Variants in LMNTD1 observed in about 807,000 individuals in gnomAD.
LMNTD1 encodes the protein lamin tail domain-containing protein 1.
In LMNTD1, 35 loss-of-function variants were observed where a neutral mutation model predicts 50.9. That is an observed-to-expected ratio of 0.69 (90% confidence interval 0.53 to 0.91). The LOEUF (loss-of-function observed/expected upper bound fraction) is 0.91, where lower values mean the gene tolerates loss of function less well. Among genes scored for constraint, LMNTD1 ranks in the 40% least tolerant of loss-of-function variants. The pLI is 0.00. For synonymous variants in LMNTD1, 153 were observed against 161.9 expected, an observed-to-expected ratio of 0.94 and a Z score of 0.42; for missense variants, 470 against 475.5, an observed-to-expected ratio of 0.99 and a Z score of 0.11.
At chr12:25,534,589 G>C (rs1196847766) in intron 4 of LMNTD1, among the ~76,000 whole-genome samples, 1 of 152,198 alleles carries the variant, frequency 6.6e-6, no homozygotes, top group Admixed American at 6.5e-5. Flanking sequence ...GCGATTTTCA[G>C]ATGGTCCCCT....
chr12:25,574,784 T>C (rs181654564), intron 1 of LMNTD1, among the ~76,000 whole-genome samples: 2 of 152,246 alleles, frequency 1.3e-5, no homozygotes, highest in African/African-American at 4.8e-5. Flanking sequence ...CCTTCTCCAG[T>C]GCACAGAATA....
intron 9 of LMNTD1, among the ~76,000 whole-genome samples, chr12:25,477,069 G>T (rs1277688955): frequency 6.6e-6 from 1 of 152,068 alleles, no homozygotes; most frequent in African/African-American, 2.4e-5. Flanking sequence ...TGGGCCTCAC[G>T]GAATCCATTA....
intron 3 of LMNTD1, among the ~76,000 whole-genome samples, chr12:25,546,850 G>A (rs1176551632): frequency 6.6e-6 from 1 of 151,462 alleles, no homozygotes; most frequent in Non-Finnish European, 1.5e-5. Context: ...AGTTGTACTA[G>A]AAGCATCATC....
chr12:25,612,143 T>C (rs1016655088), intron 1 of LMNTD1, among the ~76,000 whole-genome samples: 1 of 152,160 alleles, frequency 6.6e-6, no homozygotes, highest in Non-Finnish European at 1.5e-5. Context: ...ATAAGAAAAA[T>C]ACTGTGGCTT....
intron 9 of LMNTD1, among the ~76,000 whole-genome samples, chr12:25,479,966 A>G (rs1026856413): frequency 6.6e-6 from 1 of 152,152 alleles, no homozygotes; most frequent in Non-Finnish European, 1.5e-5. Flanking sequence ...CATAACCTCC[A>G]TCCCTGCCAC....
rs118144180 is a variant in LMNTD1 at position 25,594,168 on chromosome 12, A to G, written c.59-47614T>C. Reference sequence around the variant, plus strand: ...GGGAATAATCAAGGAAAATTTCCCCAGCCTTGCTAGGACCTAGACATCCAA... The same window carrying G: ...GGGAATAATCAAGGAAAATTTCCCCGGCCTTGCTAGGACCTAGACATCCAA... On this transcript the variant is annotated intron_variant, in intron 1 of 7. Transcript: ENST00000445693. Among the ~76,000 whole-genome samples, 545 of 152,352 alleles carry G rather than the reference A, an allele frequency of 3.6e-3. 2 individuals are homozygous for G. The highest frequency in any genetic ancestry group is 6.4e-3 in the Non-Finnish European group (432 of 68,022).
At chr12:25,614,844 T>C (rs1342885728) in intron 1 of LMNTD1, among the ~76,000 whole-genome samples, 1 of 152,224 alleles carries the variant, frequency 6.6e-6, no homozygotes, top group East Asian at 1.9e-4. Flanking sequence ...TTGTTAGGTT[T>C]GGTTTGTTTC....
chr12:25,599,311 C>T (rs747569147), intron 1 of LMNTD1, among the ~76,000 whole-genome samples: 27 of 151,816 alleles, frequency 1.8e-4, no homozygotes, highest in Admixed American at 9.2e-4. Flanking sequence ...CATACCTAAA[C>T]GTAATAAAAG....
intron 1 of LMNTD1, among the ~76,000 whole-genome samples, chr12:25,630,394 T>A (rs1375560613): frequency 6.6e-6 from 1 of 152,028 alleles, no homozygotes; most frequent in Non-Finnish European, 1.5e-5. Flanking sequence ...TAGCTCCAGG[T>A]CAACTGCAAG....
At chr12:25,558,658 C>T (rs923084495) in intron 1 of LMNTD1, among the ~76,000 whole-genome samples, 6 of 152,110 alleles carry the variant, frequency 3.9e-5, no homozygotes, top group Non-Finnish European at 7.4e-5. Context: ...TCCACATGGC[C>T]GGGGAGGCCT....
At chr12:25,610,626 C>T (rs1454179363) in intron 1 of LMNTD1, among the ~76,000 whole-genome samples, 1 of 151,970 alleles carries the variant, frequency 6.6e-6, no homozygotes, top group Non-Finnish European at 1.5e-5. Context: ...GATTGTGGTC[C>T]AGGAGAAAGG....
intron 1 of LMNTD1, among the ~76,000 whole-genome samples, chr12:25,623,600 C>CCACT (rs1946524392): frequency 6.8e-6 from 1 of 146,830 alleles, no homozygotes; most frequent in Non-Finnish European, 1.5e-5. Context: ...AGCATGCAAT[C>CCACT]CACTCAAAAG....
chr12:25,479,606 C>T (rs540946616), intron 9 of LMNTD1, among the ~76,000 whole-genome samples: 19 of 152,104 alleles, frequency 1.2e-4, no homozygotes, highest in African/African-American at 3.9e-4. Flanking sequence ...CTTCTTTAGC[C>T]GTAAAGTGAG....
At chr12:25,622,181 G>A (rs1234029792) in intron 1 of LMNTD1, among the ~76,000 whole-genome samples, 2 of 152,198 alleles carry the variant, frequency 1.3e-5, no homozygotes, top group Non-Finnish European at 2.9e-5. Flanking sequence ...GGGATTGGAG[G>A]GGAGTCAAGA....
In LMNTD1 at chr12:25,628,685, G is replaced by A. The variant is rs566080397; in HGVS notation, c.58+19809C>T. 4.6e-5 allele frequency among the ~76,000 whole-genome samples: 7 copies of A among 152,250 alleles called. No individual in the cohort carries two copies. The East Asian group carries it at 5.8e-4, about 13-fold the overall frequency. The stretch of plus-strand genomic sequence containing the variant: ...GTCAGAGTCAGAGAGAAGGCCATGC[G>A]ACAATGAAGCAAACATTTGAGTTAT... On this transcript the variant is annotated intron_variant, in intron 1 of 7. Transcript: ENST00000445693.
chr12:25,578,893 A>C (rs1945150564), intron 1 of LMNTD1, among the ~76,000 whole-genome samples: 1 of 152,234 alleles, frequency 6.6e-6, no homozygotes, highest in Admixed American at 6.5e-5. Flanking sequence ...TATTTATAAA[A>C]TATGATGTGC....
At chr12:25,635,733 C>G (rs565637384) in intron 1 of LMNTD1, among the ~76,000 whole-genome samples, 1 of 152,290 alleles carries the variant, frequency 6.6e-6, no homozygotes, top group South Asian at 2.1e-4. Context: ...TGATTTCAAA[C>G]TATACTATAA....
At chr12:25,614,326 G>C (rs960350510) in intron 1 of LMNTD1, among the ~76,000 whole-genome samples, 11 of 151,770 alleles carry the variant, frequency 7.2e-5, no homozygotes, top group Admixed American at 2.0e-4. Flanking sequence ...CTCAGTTCTC[G>C]GTACTGAGCA....
At chr12:25,626,590 G>A (rs1341725878) in intron 1 of LMNTD1, among the ~76,000 whole-genome samples, 1 of 152,124 alleles carries the variant, frequency 6.6e-6, no homozygotes, top group Non-Finnish European at 1.5e-5. Context: ...TTTCCTAACA[G>A]TACTCAGTAA....
Sources: allele counts gnomAD v4.1 joint callset (sites outside exome capture counted in the v4.1 genomes callset), GRCh38; gene constraint gnomAD v4.1.1; transcripts MANE v1.5; gene names NCBI Gene and HGNC (gene_info 2026-07-23, HGNC 2026-07-21).